The following DGKB variants were observed in gnomAD, a reference collection of about 807,000 sequenced individuals.
DGKB encodes the protein 90 kDa diacylglycerol kinase.
DGKB carries 67 observed loss-of-function variants against 114.3 expected under a neutral mutation model. The ratio of observed to expected loss-of-function variants is 0.59; its 90% CI spans 0.48 to 0.72. The LOEUF (loss-of-function observed/expected upper bound fraction) is 0.72, where lower values mean the gene tolerates loss of function less well. Ranked by LOEUF, DGKB falls within the 30% of genes least tolerant of loss-of-function variation. The pLI is 0.00. For missense variants in DGKB, 907 were observed against 975.2 expected, an observed-to-expected ratio of 0.93 and a Z score of 0.93; for synonymous variants, 398 against 323.1, an observed-to-expected ratio of 1.23 and a Z score of -2.49.
chr7:14,967,786 T>C (rs927802184), intron 1 of DGKB, among the ~76,000 whole-genome samples: 11 of 152,026 alleles, frequency 7.2e-5, no homozygotes, highest in Admixed American at 2.6e-4. Flanking sequence ...TTTTACTGAA[T>C]TGTTTAAAAT....
At chr7:14,689,213 T>A (rs1179024646) in intron 9 of DGKB, among the ~76,000 whole-genome samples, 9 of 131,358 alleles carry the variant, frequency 6.9e-5, no homozygotes, top group African/African-American at 2.4e-4. Flanking sequence ...TTTTTTTTTT[T>A]TTTTTTTTTT....
chr7:14,165,383 ATTAG>A (rs1022175185), intron 25 of DGKB, among the ~76,000 whole-genome samples: 4 of 152,290 alleles, frequency 2.6e-5, no homozygotes, highest in East Asian at 1.9e-4. Flanking sequence ...CTGTTCTGTG[ATTAG>A]TTAATTTACA....
At chr7:14,279,399 C>G (rs1016647027) in intron 23 of DGKB, among the ~76,000 whole-genome samples, 5 of 152,284 alleles carry the variant, frequency 3.3e-5, no homozygotes, top group African/African-American at 1.2e-4. Context: ...GGAGGCCTGC[C>G]TGCCTCTGTA....
chr7:14,674,581 G>C (rs2128952576), intron 12 of DGKB, among the ~76,000 whole-genome samples: 1 of 152,206 alleles, frequency 6.6e-6, no homozygotes, highest in East Asian at 1.9e-4. Flanking sequence ...TGGGACCTTT[G>C]AATGTGAACT....
At chr7:14,882,900 A>G (rs561697281) in intron 1 of DGKB, among the ~76,000 whole-genome samples, 1 of 152,086 alleles carries the variant, frequency 6.6e-6, no homozygotes, top group Admixed American at 6.6e-5. Context: ...TTAGGTTGAT[A>G]TCTTTGCTAT....
intron 21 of DGKB, among the ~76,000 whole-genome samples, chr7:14,427,954 C>T (rs1407910316): frequency 6.6e-6 from 1 of 152,020 alleles, no homozygotes; most frequent in Non-Finnish European, 1.5e-5. Flanking sequence ...ATATCTTTCT[C>T]TATGTTTTAA....
chr7:14,746,088 T>G (rs1833243948), intron 4 of DGKB, among the ~76,000 whole-genome samples: 1 of 152,170 alleles, frequency 6.6e-6, no homozygotes, highest in African/African-American at 2.4e-5. Context: ...AGCTCATGCC[T>G]GGCACTTTGG....
intron 23 of DGKB, among the ~76,000 whole-genome samples, chr7:14,252,578 A>G (rs1430458497): frequency 1.3e-5 from 2 of 152,076 alleles, no homozygotes; most frequent in Non-Finnish European, 2.9e-5. Flanking sequence ...GTGGGTAAAC[A>G]TTGCTGGCAC....
rs115252878 is a variant in DGKB at position 14,540,275 on chromosome 7, C to T, written c.1770+33937G>A. ...TATAAAGATGCAATTTTAATGATGCCTTGGAAGCGCTGGTCTTTTCCTTGC... is the reference window on the plus strand; with the variant it reads ...TATAAAGATGCAATTTTAATGATGCTTTGGAAGCGCTGGTCTTTTCCTTGC... On this transcript the variant is annotated intron_variant, in intron 20 of 25. Coordinates refer to ENST00000402815, the MANE Select transcript of DGKB (RefSeq NM_001350709.2). Among the ~76,000 whole-genome samples the T allele has an allele frequency of 3.6e-3, 550 of 152,106 alleles. 1 individual carries two copies. Among genetic ancestry groups the T allele is most frequent in the African/African-American group, 0.013 (525 of 41,522 alleles).
chr7:14,199,954 T>C (rs981174592), intron 23 of DGKB, among the ~76,000 whole-genome samples: 1 of 151,922 alleles, frequency 6.6e-6, no homozygotes, highest in Admixed American at 6.6e-5. Context: ...CCTGAGTATA[T>C]AGTGGTGTAC....
chr7:14,662,804 T>C (rs1817390387), intron 13 of DGKB, among the ~76,000 whole-genome samples: 1 of 151,968 alleles, frequency 6.6e-6, no homozygotes, highest in African/African-American at 2.4e-5. Context: ...TATTTATATA[T>C]TAATTGTAAT....
intron 20 of DGKB, among the ~76,000 whole-genome samples, chr7:14,564,405 C>T (rs1797096072): frequency 6.6e-6 from 1 of 152,100 alleles, no homozygotes; most frequent in East Asian, 1.9e-4. Context: ...CCCAATTCTC[C>T]CTACCAACTT....
intron 17 of DGKB, among the ~76,000 whole-genome samples, chr7:14,588,799 C>T (rs958107095): frequency 2.0e-5 from 3 of 152,044 alleles, no homozygotes; most frequent in Admixed American, 6.6e-5. Flanking sequence ...ACCATACTCT[C>T]GCAATTACTA....
At chr7:14,552,432 C>T (rs1310322606) in intron 20 of DGKB, among the ~76,000 whole-genome samples, 1 of 152,020 alleles carries the variant, frequency 6.6e-6, no homozygotes, top group Non-Finnish European at 1.5e-5. Context: ...TTCAACAATG[C>T]CATTTGTAAA....
intron 2 of DGKB, among the ~76,000 whole-genome samples, chr7:14,834,273 G>A (rs1207719895): frequency 6.6e-6 from 1 of 152,176 alleles, no homozygotes; most frequent in South Asian, 2.1e-4. Context: ...ATAAACTGAG[G>A]GGATGAAATG....
At position 14,146,893 on chromosome 7, in the gene DGKB, C is replaced by G. The variant is rs1327341411; in HGVS notation, c.*2238G>C. ...AGGTTGTTTAATTTGTCTCATCCCACTGTCTATCCAACAGCTTTCTACTGT... is the reference window on the plus strand; with the variant it reads ...AGGTTGTTTAATTTGTCTCATCCCAGTGTCTATCCAACAGCTTTCTACTGT... On this transcript the variant is annotated 3_prime_UTR_variant, in exon 26 of 26. Coordinates refer to ENST00000402815, the MANE Select transcript of DGKB (RefSeq NM_001350709.2). 1 of 152,164 alleles carries G rather than the reference C, an allele frequency of 6.6e-6. No individual in the cohort carries two copies. The highest frequency in any genetic ancestry group is 2.4e-5 in the African/African-American group (1 of 41,442). 9.4% of individuals were successfully genotyped at this position (152,164 alleles called of 1,614,324 possible).
Position 14,647,462 on chromosome 7 carries a change from T to C in DGKB, c.1135-17194A>G, listed in dbSNP as rs189093342. ...ACTCCAAAAACAAAAAAATAGACCA[T>C]ACTTCTTAATTCACTTTATAAGTAC... On this transcript the variant is annotated intron_variant, in intron 13 of 25. Transcript: ENST00000402815. Among the ~76,000 whole-genome samples, 6 of 152,244 alleles carry C rather than the reference T, an allele frequency of 3.9e-5. No individual in the cohort carries two copies. In the East Asian group the frequency reaches 7.7e-4, roughly 20 times the overall value.
chr7:14,379,478 G>C (rs993187153), intron 21 of DGKB, among the ~76,000 whole-genome samples: 3 of 151,814 alleles, frequency 2.0e-5, no homozygotes, highest in South Asian at 2.1e-4. Flanking sequence ...TAAGGAAAGA[G>C]AGTGGGGAGC....
At chr7:14,253,501 A>G (rs1795540338) in intron 23 of DGKB, among the ~76,000 whole-genome samples, 1 of 152,136 alleles carries the variant, frequency 6.6e-6, no homozygotes, top group African/African-American at 2.4e-5. Flanking sequence ...TAAGGGCCCT[A>G]TTGCCTAATC....
Sources: allele counts gnomAD v4.1 joint callset (sites outside exome capture counted in the v4.1 genomes callset), GRCh38; gene constraint gnomAD v4.1.1; transcripts MANE v1.5; gene names NCBI Gene and HGNC (gene_info 2026-07-23, HGNC 2026-07-21).